Variants in AGBL1 observed in about 807,000 individuals in gnomAD.
AGBL1 encodes cytosolic carboxypeptidase 4.
In AGBL1, 130 loss-of-function variants were observed where a neutral mutation model predicts 118.9. That is an observed-to-expected ratio of 1.09 (90% confidence interval 0.95 to 1.26). AGBL1 has a LOEUF of 1.26. AGBL1 is among the 50% of genes most tolerant of loss of function. The pLI is 0.00. For synonymous variants in AGBL1, 555 were observed against 478.9 expected, an observed-to-expected ratio of 1.16 and a Z score of -2.08; for missense variants, 1,584 against 1,298.1, an observed-to-expected ratio of 1.22 and a Z score of -3.38.
chr15:86,860,692 C>A (rs1806118660), intron 22 of AGBL1, among the ~76,000 whole-genome samples: 1 of 149,984 alleles, frequency 6.7e-6, no homozygotes, highest in African/African-American at 2.4e-5. Context: ...CATCAGTGAT[C>A]CTTCCTTTCC....
chr15:86,761,841 C>A (rs1432094392), intron 22 of AGBL1, among the ~76,000 whole-genome samples: 1 of 151,944 alleles, frequency 6.6e-6, no homozygotes, highest in African/African-American at 2.4e-5. Flanking sequence ...AGTTTAATAA[C>A]ATCACATTTG....
rs150625738 is a variant in AGBL1 at position 86,505,005 on chromosome 15, C to T, written c.2556-17805C>T. Reference sequence around the variant, plus strand: ...TTGTTAGGAAACAAATTAATTTCTCCGTTAAAAAATAGTTTTGCTAAGTAT... The same window carrying T: ...TTGTTAGGAAACAAATTAATTTCTCTGTTAAAAAATAGTTTTGCTAAGTAT... On this transcript the variant is annotated intron_variant, in intron 18 of 22. Coordinates refer to ENST00000614907, the MANE Select transcript of AGBL1 (RefSeq NM_001386094.1). Among the ~76,000 whole-genome samples, 351 of 151,578 alleles carry T rather than the reference C, an allele frequency of 2.3e-3. 5 individuals are homozygous for T. Among genetic ancestry groups the T allele is most frequent in the African/African-American group, 7.8e-3 (322 of 41,402 alleles).
intron 5 of AGBL1, among the ~76,000 whole-genome samples, chr15:86,210,364 C>T (rs973133881): frequency 2.6e-5 from 4 of 152,152 alleles, no homozygotes; most frequent in African/African-American, 9.7e-5. Context: ...GTTGGCCTCC[C>T]TTGCTAGGTT....
At chr15:86,683,301 G>C (rs1170669765) in intron 22 of AGBL1, among the ~76,000 whole-genome samples, 2 of 152,126 alleles carry the variant, frequency 1.3e-5, no homozygotes, top group Non-Finnish European at 2.9e-5. Context: ...AATATCCCTT[G>C]ATTGTTTTAA....
intron 22 of AGBL1, among the ~76,000 whole-genome samples, chr15:86,809,913 C>T (rs974821169): frequency 2.6e-5 from 4 of 152,060 alleles, no homozygotes; most frequent in Non-Finnish European, 4.4e-5. Flanking sequence ...CCAATAAAAG[C>T]TCTGCTGGAT....
At chr15:86,787,330 C>T (rs2078426962) in intron 22 of AGBL1, among the ~76,000 whole-genome samples, 1 of 152,066 alleles carries the variant, frequency 6.6e-6, no homozygotes. Flanking sequence ...TCATGCTGTA[C>T]ATTAGATCTC....
intron 17 of AGBL1, among the ~76,000 whole-genome samples, chr15:86,353,650 T>G (rs2080666471): frequency 6.6e-6 from 1 of 152,156 alleles, no homozygotes; most frequent in African/African-American, 2.4e-5. Flanking sequence ...AGCAGAGAAA[T>G]GCAGGTATGA....
In AGBL1 at chr15:86,914,890, G is replaced by A. The variant is rs1396453291; in HGVS notation, c.*7596G>A. 2.0e-5 allele frequency: 3 copies of A among 152,100 alleles called. No homozygotes were observed. The East Asian group carries it at 5.8e-4, about 29-fold the overall frequency. The allele number at this position is 152,100 out of a possible 1,614,324, so 9.4% of individuals were successfully genotyped here. A position where few individuals can be genotyped will look rare whatever the true frequency, so the allele number is the denominator to read the frequency against. The stretch of plus-strand genomic sequence containing the variant: ...GACTCAAATACAAGTAACTCCTACT[G>A]GCCATTTCTGCATAACTTCCTGCTC... On this transcript the variant is annotated 3_prime_UTR_variant, in exon 23 of 23. Transcript: ENST00000614907.
intron 23 of AGBL1, among the ~76,000 whole-genome samples, chr15:86,953,350 T>A (rs1352138965): frequency 6.6e-6 from 1 of 151,998 alleles, no homozygotes; most frequent in Non-Finnish European, 1.5e-5. Context: ...TTTAGCAGTG[T>A]TTTGTAGTTC....
intron 16 of AGBL1, among the ~76,000 whole-genome samples, chr15:86,284,076 C>A (rs2141732418): frequency 1.3e-5 from 2 of 151,330 alleles, no homozygotes; most frequent in Admixed American, 6.6e-5. Flanking sequence ...ATCTTGTAAG[C>A]AATACTAGAT....
chr15:86,790,678 G>C (rs2141328943), intron 22 of AGBL1, among the ~76,000 whole-genome samples: 1 of 152,120 alleles, frequency 6.6e-6, no homozygotes, highest in East Asian at 1.9e-4. Flanking sequence ...ACATGTAATG[G>C]AATCTAGGAA....
At chr15:86,254,307 G>T (rs969870567) in intron 7 of AGBL1, among the ~76,000 whole-genome samples, 1 of 152,188 alleles carries the variant, frequency 6.6e-6, no homozygotes, top group African/African-American at 2.4e-5. Context: ...TAGGAGAGAG[G>T]TTGTGTTATT....
chr15:86,691,978 C>T (rs1047095849), intron 22 of AGBL1, among the ~76,000 whole-genome samples: 13 of 151,862 alleles, frequency 8.6e-5, no homozygotes, highest in Non-Finnish European at 1.5e-4. Context: ...ATTATAGTAT[C>T]CCTCTGACTT....
intron 1 of AGBL1, among the ~76,000 whole-genome samples, chr15:86,140,596 A>C (rs1254321112): frequency 1.3e-5 from 2 of 152,192 alleles, no homozygotes; most frequent in Non-Finnish European, 2.9e-5. Context: ...TGATACCAAC[A>C]CCATGTGGTA....
At chr15:86,881,237 A>G (rs878926211) in intron 22 of AGBL1, among the ~76,000 whole-genome samples, 1 of 152,208 alleles carries the variant, frequency 6.6e-6, no homozygotes, top group Admixed American at 6.5e-5. Flanking sequence ...GGCATATAGA[A>G]TAAAGTCTAT....
At chr15:86,816,375 C>T (rs371938138) in intron 22 of AGBL1, among the ~76,000 whole-genome samples, 26 of 152,294 alleles carry the variant, frequency 1.7e-4, no homozygotes, top group African/African-American at 6.3e-4. Flanking sequence ...CACATTTGCA[C>T]CCGGCTATTT....
At chr15:86,826,927 C>T (rs1596523922) in intron 22 of AGBL1, among the ~76,000 whole-genome samples, 1 of 151,922 alleles carries the variant, frequency 6.6e-6, no homozygotes, top group Non-Finnish European at 1.5e-5. Context: ...TGGGTAAGAA[C>T]ACTGTCATAG....
At chr15:86,881,485 C>T (rs1361318993) in intron 22 of AGBL1, among the ~76,000 whole-genome samples, 1 of 152,150 alleles carries the variant, frequency 6.6e-6, no homozygotes, top group African/African-American at 2.4e-5. Context: ...GCCTGTGTCA[C>T]CACAAAATTG....
chr15:86,689,431 C>T (rs1472389940), intron 22 of AGBL1, among the ~76,000 whole-genome samples: 4 of 151,986 alleles, frequency 2.6e-5, no homozygotes, highest in African/African-American at 9.7e-5. Flanking sequence ...AAGCTGAATC[C>T]CTAGCACCTA....
Sources: allele counts gnomAD v4.1 joint callset (sites outside exome capture counted in the v4.1 genomes callset), GRCh38; gene constraint gnomAD v4.1.1; transcripts MANE v1.5; gene names NCBI Gene and HGNC (gene_info 2026-07-23, HGNC 2026-07-21).